Variants in TECRL observed in about 807,000 individuals in gnomAD.
The protein encoded by TECRL is trans-2,3-enoyl-CoA reductase-like.
Under a neutral mutation model 52.8 loss-of-function variants are expected in TECRL, and 63 were observed. The ratio of observed to expected loss-of-function variants is 1.19; its 90% CI spans 0.97 to 1.47. The LOEUF is 1.47. Among genes scored for constraint, TECRL ranks in the 40% most tolerant of loss-of-function variants. TECRL has a pLI of 0.00. For synonymous variants in TECRL, 164 were observed against 141.9 expected (o/e 1.16, Z -1.10); for missense variants, 482 against 429.6 (o/e 1.12, Z -1.08).
At chr4:64,408,148 G>T (rs1293209158) in intron 1 of TECRL, among the ~76,000 whole-genome samples, 1 of 151,630 alleles carries the variant, frequency 6.6e-6, no homozygotes, top group Non-Finnish European at 1.5e-5. Flanking sequence ...TACTGAATAA[G>T]AAATTATATA....
At chr4:64,403,475 GCACACACACA>G (rs148711260) in intron 1 of TECRL, among the ~76,000 whole-genome samples, 3 of 148,238 alleles carry the variant, frequency 2.0e-5, no homozygotes, top group African/African-American at 7.5e-5. Context: ...CTCCCTGAGC[GCACACACACA>G]CACACACACA....
At chr4:64,314,906 G>A (rs1003803809) in intron 4 of TECRL, 143 bp from the exon 5 acceptor site, 13 of 647,120 alleles carry the variant, frequency 2.0e-5, no homozygotes, top group African/African-American at 1.1e-4. Flanking sequence ...TGCAAATAAC[G>A]ACTTCCTTGG....
rs577970051 is a variant in TECRL, at chr4:64,309,935, G to GA, written c.552-5dup. On this transcript the variant is annotated splice_region_variant and splice_polypyrimidine_tract_variant and intron_variant, in intron 5 of 11. Coordinates refer to ENST00000381210, the MANE Select transcript of TECRL (RefSeq NM_001010874.5). Reference sequence around the variant, plus strand: ...ACAATGACAGAAGCAAGCCAAGCTGGAAAAAAAAATAAAACATAAACATGA... The same window carrying GA: ...ACAATGACAGAAGCAAGCCAAGCTGGAAAAAAAAAATAAAACATAAACATGA... 3.8e-3 allele frequency: 5,782 copies of GA among 1,520,576 alleles called. 38 individuals are homozygous for GA. Among genetic ancestry groups the GA allele is most frequent in the South Asian group, 0.025 (2,029 of 81,624 alleles). 94.2% of individuals were successfully genotyped at this position (1,520,576 alleles called of 1,614,324 possible). A position where few individuals can be genotyped will look rare whatever the true frequency, so the allele number is the denominator to read the frequency against.
chr4:64,382,173 C>T (rs868580446), intron 1 of TECRL, among the ~76,000 whole-genome samples: 6 of 140,826 alleles, frequency 4.3e-5, no homozygotes, highest in Middle Eastern at 3.7e-3. Flanking sequence ...AGGTTGTGTA[C>T]GTCCAGAGGA....
At chr4:64,348,773 G>A (rs1720169884) in intron 2 of TECRL, among the ~76,000 whole-genome samples, 1 of 152,154 alleles carries the variant, frequency 6.6e-6, no homozygotes, top group East Asian at 1.9e-4. Context: ...CTCAGAACAT[G>A]TCTCATCCTA....
chr4:64,353,572 G>C (rs1415433059), intron 2 of TECRL, among the ~76,000 whole-genome samples: 2 of 152,082 alleles, frequency 1.3e-5, no homozygotes, highest in African/African-American at 4.8e-5. Flanking sequence ...TGGAGTATTT[G>C]AATTAAATTA....
At chr4:64,313,093 A>C (rs1717174624) in intron 5 of TECRL, among the ~76,000 whole-genome samples, 1 of 152,162 alleles carries the variant, frequency 6.6e-6, no homozygotes, top group Non-Finnish European at 1.5e-5. Flanking sequence ...GCAACATGAG[A>C]ACGAACTAAC....
chr4:64,374,918 T>C (rs987234729), intron 2 of TECRL, among the ~76,000 whole-genome samples: 1 of 152,100 alleles, frequency 6.6e-6, no homozygotes, highest in African/African-American at 2.4e-5. Flanking sequence ...CCTGTTATAA[T>C]AAAATTAAGT....
At chr4:64,312,268 G>A (rs1184892348) in intron 5 of TECRL, among the ~76,000 whole-genome samples, 2 of 152,100 alleles carry the variant, frequency 1.3e-5, no homozygotes, top group African/African-American at 2.4e-5. Flanking sequence ...CTGAAAATTA[G>A]GTGACAGAAG....
chr4:64,369,661 G>A (rs370206907), intron 2 of TECRL, among the ~76,000 whole-genome samples: 20 of 151,794 alleles, frequency 1.3e-4, no homozygotes, highest in East Asian at 3.9e-4. Context: ...TATTAGCTGC[G>A]TGACCTGGGG....
chr4:64,386,494 T>C (rs939649731), intron 1 of TECRL, among the ~76,000 whole-genome samples: 43 of 152,188 alleles, frequency 2.8e-4, no homozygotes, highest in African/African-American at 8.4e-4. Context: ...TGTTCATGAG[T>C]CAGCTGTATG....
intron 9 of TECRL, among the ~76,000 whole-genome samples, chr4:64,285,619 G>GA (rs201917078): frequency 0.012 from 1,774 of 152,180 alleles, 45 homozygotes; most frequent in African/African-American, 0.041. Flanking sequence ...TTTATGTAAA[G>GA]AAAAATAATG....
chr4:64,356,285 C>G (rs772243581), intron 2 of TECRL, among the ~76,000 whole-genome samples: 4 of 152,074 alleles, frequency 2.6e-5, no homozygotes, highest in Non-Finnish European at 4.4e-5. Flanking sequence ...GTCCCCCAGC[C>G]CAACACCCAT....
At chr4:64,304,055 CAA>C (rs1560483520) in intron 7 of TECRL, among the ~76,000 whole-genome samples, 9 of 151,164 alleles carry the variant, frequency 6.0e-5, no homozygotes, top group African/African-American at 2.2e-4. Context: ...CAGTTATTAA[CAA>C]ATAGTCAGTT....
intron 2 of TECRL, among the ~76,000 whole-genome samples, chr4:64,361,281 C>T (rs1408458688): frequency 6.6e-6 from 1 of 152,188 alleles, no homozygotes; most frequent in African/African-American, 2.4e-5. Context: ...CCACCTGCCA[C>T]TTTAGTGACT....
At chr4:64,297,467 TAA>T (rs1446523351) in intron 8 of TECRL, among the ~76,000 whole-genome samples, 2 of 151,026 alleles carry the variant, frequency 1.3e-5, no homozygotes, top group African/African-American at 4.8e-5. Flanking sequence ...ACAATTAAGA[TAA>T]GTCTTTTCTG....
At position 64,301,134 on chromosome 4, in the gene TECRL, T is replaced by C. The variant is rs533028468; in HGVS notation, c.731-1117A>G. On this transcript the variant is annotated intron_variant, in intron 7 of 11. Coordinates refer to ENST00000381210, the MANE Select transcript of TECRL (RefSeq NM_001010874.5). ...GAAGTTTATATATCTAATAGTAAAA[T>C]AAAAAATATTAGCAGAGAACATTTA... 1.1e-4 allele frequency among the ~76,000 whole-genome samples: 16 copies of C among 150,700 alleles called. No homozygotes were observed. In the South Asian group the frequency reaches 2.9e-3, roughly 27 times the overall value.
chr4:64,309,976 T>C (rs1724574861), intron 5 of TECRL, 45 bp from the exon 6 acceptor site: 2 of 1,324,344 alleles, frequency 1.5e-6, no homozygotes, highest in African/African-American at 3.0e-5. Context: ...CTTTTGAAGT[T>C]CTGGCTTGCC....
intron 5 of TECRL, among the ~76,000 whole-genome samples, chr4:64,310,195 T>C (rs544876897): frequency 6.6e-6 from 1 of 152,300 alleles, no homozygotes; most frequent in East Asian, 1.9e-4. Flanking sequence ...TAAACTGTTA[T>C]GCTCACACCT....
Sources: allele counts gnomAD v4.1 joint callset (sites outside exome capture counted in the v4.1 genomes callset), GRCh38; gene constraint gnomAD v4.1.1; transcripts MANE v1.5; gene names NCBI Gene and HGNC (gene_info 2026-07-23, HGNC 2026-07-21).